UST: variants seen among roughly 807,000 people sequenced by gnomAD.
UST encodes the protein chondroitin sulfate 2-O-sulfotransferase.
A neutral mutation model predicts 45.6 loss-of-function variants in UST; 21 were observed. That is an observed-to-expected ratio of 0.46 (90% CI 0.33 to 0.66). The LOEUF is 0.66. Ranked by LOEUF, UST falls within the 30% of genes least tolerant of loss-of-function variation. The pLI is 0.02. For missense variants in UST, 463 were observed against 512.4 expected (o/e 0.90, Z 0.93); for synonymous variants, 215 against 200.6 (o/e 1.07, Z -0.61).
intron 7 of UST, among the ~76,000 whole-genome samples, chr6:149,025,756 A>G (rs1776040367): frequency 6.6e-6 from 1 of 152,176 alleles, no homozygotes; most frequent in Non-Finnish European, 1.5e-5. Flanking sequence ...TGCACCTGTA[A>G]TCCTACCATT....
In UST at chr6:148,907,405, C is replaced by T. The variant is rs147376340; in HGVS notation, c.291+20376C>T. Among the ~76,000 whole-genome samples the T allele has an allele frequency of 4.7e-3, 714 of 152,212 alleles. 6 individuals are homozygous for T. The highest frequency in any genetic ancestry group is 0.016 in the African/African-American group (664 of 41,518). On this transcript the variant is annotated intron_variant, in intron 2 of 7. Transcript: ENST00000367463. ...AAATGTTACTCCAGATCTCAGGAAGCATATGTTGTAGGGATACCACAACAC... is the reference window on the plus strand; with the variant it reads ...AAATGTTACTCCAGATCTCAGGAAGTATATGTTGTAGGGATACCACAACAC...
At chr6:149,039,386 C>A (rs1332346039) in intron 7 of UST, among the ~76,000 whole-genome samples, 1 of 151,992 alleles carries the variant, frequency 6.6e-6, no homozygotes, top group East Asian at 1.9e-4. Context: ...ACCACCACGC[C>A]CAGCTAATTT....
At chr6:148,815,291 A>G (rs1777334657) in intron 1 of UST, among the ~76,000 whole-genome samples, 1 of 152,228 alleles carries the variant, frequency 6.6e-6, no homozygotes, top group South Asian at 2.1e-4. Flanking sequence ...TAGGGAGGAA[A>G]CTGAGGAGTT....
At chr6:148,874,942 A>G (rs933089376) in intron 1 of UST, among the ~76,000 whole-genome samples, 5 of 152,250 alleles carry the variant, frequency 3.3e-5, no homozygotes, top group Non-Finnish European at 7.3e-5. Flanking sequence ...CTTCGTTAAC[A>G]GTGTCTTATC....
rs1371612120 is a variant in UST, at chr6:149,075,100, C to T, written c.*984C>T. 2 of 152,186 alleles carry T rather than the reference C, an allele frequency of 1.3e-5. No homozygotes were observed. Among genetic ancestry groups the T allele is most frequent in the African/African-American group, 4.8e-5 (2 of 41,440 alleles). The allele number at this position is 152,186 out of a possible 1,614,324, so 9.4% of individuals were successfully genotyped here. On this transcript the variant is annotated 3_prime_UTR_variant, in exon 8 of 8. Transcript: ENST00000367463. ...AAAGGGCATGGCTGTGTCTTTTGCACCCAATATGAAACATCTTCTCCCAAC... is the reference window on the plus strand; with the variant it reads ...AAAGGGCATGGCTGTGTCTTTTGCATCCAATATGAAACATCTTCTCCCAAC...
intron 1 of UST, among the ~76,000 whole-genome samples, chr6:148,827,315 CT>C (rs1777590199): frequency 1.3e-5 from 2 of 151,984 alleles, no homozygotes; most frequent in African/African-American, 4.8e-5. Flanking sequence ...AGTCTGTAGC[CT>C]TTCATTGAAA....
chr6:148,938,052 C>A (rs939495333), intron 2 of UST, among the ~76,000 whole-genome samples: 2 of 152,214 alleles, frequency 1.3e-5, no homozygotes, highest in Non-Finnish European at 2.9e-5. Context: ...GAAGTACTCA[C>A]TGATTAAACC....
At chr6:148,940,215 G>A (rs1582910506) in intron 2 of UST, among the ~76,000 whole-genome samples, 1 of 152,096 alleles carries the variant, frequency 6.6e-6, no homozygotes, top group South Asian at 2.1e-4. Flanking sequence ...GGTCAGGCAT[G>A]GTGGCTCATG....
chr6:148,930,815 C>A (rs1779907706), intron 2 of UST, among the ~76,000 whole-genome samples: 1 of 152,110 alleles, frequency 6.6e-6, no homozygotes, highest in Non-Finnish European at 1.5e-5. Flanking sequence ...GTTATATAAG[C>A]CTAAAACTCA....
Position 149,067,950 on chromosome 6 carries a change from A to G in UST, c.938-5883A>G, listed in dbSNP as rs188299356. On this transcript the variant is annotated intron_variant, in intron 7 of 7. Coordinates refer to ENST00000367463, the MANE Select transcript of UST (RefSeq NM_005715.3). Reference sequence around the variant, plus strand: ...CCACCAGGACGCAGTTTTACCTCTCAGGTGGAACTCTGCAAATAGTGGTTG... The same window carrying G: ...CCACCAGGACGCAGTTTTACCTCTCGGGTGGAACTCTGCAAATAGTGGTTG... Among the ~76,000 whole-genome samples the G allele has an allele frequency of 4.5e-4, 68 of 152,344 alleles. 2 individuals carry two copies. The East Asian group carries it at 0.012, about 27-fold the overall frequency.
intron 1 of UST, among the ~76,000 whole-genome samples, chr6:148,867,332 A>C (rs1778462048): frequency 6.6e-6 from 1 of 150,398 alleles, no homozygotes; most frequent in Non-Finnish European, 1.5e-5. Flanking sequence ...ACACACATAT[A>C]TATGTACGTA....
chr6:148,795,643 T>C (rs568858470), intron 1 of UST, among the ~76,000 whole-genome samples: 17 of 152,204 alleles, frequency 1.1e-4, no homozygotes, highest in South Asian at 2.1e-4. Context: ...GCTTCTTCCA[T>C]TGGGGTTGTG....
intron 1 of UST, among the ~76,000 whole-genome samples, chr6:148,761,371 G>C (rs1776215480): frequency 1.3e-5 from 2 of 152,212 alleles, no homozygotes; most frequent in African/African-American, 4.8e-5. Flanking sequence ...CTGCTGTGGT[G>C]CTTAGAATGC....
chr6:148,966,245 T>TTAAAAA (rs10659810), intron 5 of UST, among the ~76,000 whole-genome samples: 69,479 of 150,250 alleles, frequency 0.46, 17,615 homozygotes, highest in African/African-American at 0.68. Context: ...ATAATAATAA[T>TTAAAAA]TAAATAAAAT....
In UST at chr6:148,808,629, G is replaced by A. The variant is rs115745555; in HGVS notation, c.247+60952G>A. ...CTTTTGCTTGATATAAATTAAAGAA[G>A]CGTTGGGATATGGGTGGATTTAATA... On this transcript the variant is annotated intron_variant, in intron 1 of 7. Coordinates refer to ENST00000367463, the MANE Select transcript of UST (RefSeq NM_005715.3). Among the ~76,000 whole-genome samples, 600 of 152,076 alleles carry A rather than the reference G, an allele frequency of 3.9e-3. 4 individuals are homozygous for A. Among genetic ancestry groups the A allele is most frequent in the African/African-American group, 0.014 (567 of 41,492 alleles).
At chr6:148,919,307 A>C (rs1779653631) in intron 2 of UST, among the ~76,000 whole-genome samples, 1 of 152,220 alleles carries the variant, frequency 6.6e-6, no homozygotes, top group Non-Finnish European at 1.5e-5. Flanking sequence ...TCACAGCTGT[A>C]ATAGTTCCTG....
intron 1 of UST, among the ~76,000 whole-genome samples, 193 bp from the exon 2 acceptor site, chr6:148,886,793 G>T (rs1219454643): frequency 1.3e-5 from 2 of 152,170 alleles, no homozygotes; most frequent in African/African-American, 2.4e-5. Context: ...GTTTGTAACA[G>T]CTGAAACTAT....
At chr6:148,883,027 A>C (rs181725853) in intron 1 of UST, among the ~76,000 whole-genome samples, 1 of 152,252 alleles carries the variant, frequency 6.6e-6, no homozygotes, top group African/African-American at 2.4e-5. Context: ...AACTTTTGTC[A>C]TGCGTATCCG....
At chr6:149,022,493 G>A (rs1367925687) in intron 7 of UST, among the ~76,000 whole-genome samples, 3 of 152,066 alleles carry the variant, frequency 2.0e-5, no homozygotes, top group South Asian at 2.1e-4. Flanking sequence ...CCAGCTACTC[G>A]GGAGGCTGAG....
Sources: allele counts gnomAD v4.1 joint callset (sites outside exome capture counted in the v4.1 genomes callset), GRCh38; gene constraint gnomAD v4.1.1; transcripts MANE v1.5; gene names NCBI Gene and HGNC (gene_info 2026-07-23, HGNC 2026-07-21).